CHST7: variants seen among roughly 807,000 people sequenced by gnomAD.
CHST7 encodes N-acetylglucosamine 6-O-sulfotransferase 4.
Under a neutral mutation model 9.0 loss-of-function variants are expected in CHST7, and 5 were observed. That is an observed-to-expected ratio of 0.56 (90% CI 0.29 to 1.17). The LOEUF (loss-of-function observed/expected upper bound fraction) is 1.17, where lower values mean the gene tolerates loss of function less well. CHST7 is among the 50% of genes most tolerant of loss of function. The pLI is 0.08. For missense variants in CHST7, 377 were observed against 485.1 expected, an observed-to-expected ratio of 0.78 and a Z score of 2.09; for synonymous variants, 244 against 237.1, an observed-to-expected ratio of 1.03 and a Z score of -0.27.
In CHST7 at chrX:46,575,150, A is replaced by C; in HGVS notation, c.1219A>C (p.Asn407His). 1 of 1,097,113 alleles carries C rather than the reference A, an allele frequency of 9.1e-7. No homozygotes were observed. Among genetic ancestry groups the C allele is most frequent in the Non-Finnish European group, 1.2e-6 (1 of 848,760 alleles). The allele number at this position is 1,097,113 out of a possible 1,213,427, so 90.4% of individuals were successfully genotyped here. Residue 407 changes from asparagine to histidine, a missense_variant, in exon 1 of 2, where the codon AAC (asparagine) becomes CAC (histidine). By Grantham distance (68) the Asn-to-His change is moderately conservative. This residue lies in a region of CHST7 where 130 missense variants were observed against 134.9 expected (regional missense o/e 0.96). Transcript: ENST00000276055. Reference protein sequence around the residue: ...ALAALDAFALNMTRGAAYGAD... With the variant: ...ALAALDAFALHMTRGAAYGAD... ...CGCAGCGCTCGATGCCTTCGCGCTCAACATGACTCGCGGCGCGGCCTACGG... is the reference window on the plus strand; with the variant it reads ...CGCAGCGCTCGATGCCTTCGCGCTCCACATGACTCGCGGCGCGGCCTACGG...
At chrX:46,585,675 G>A (rs1394147231) in intron 1 of CHST7, among the ~76,000 whole-genome samples, 4 of 112,103 alleles carry the variant, frequency 3.6e-5, no homozygotes, top group African/African-American at 9.7e-5. Flanking sequence ...CACATCCCTC[G>A]CAAAGAATAA....
At chrX:46,594,775 T>G (rs1284873637) in intron 1 of CHST7, among the ~76,000 whole-genome samples, 1 of 111,512 alleles carries the variant, frequency 9.0e-6, no homozygotes, top group East Asian at 2.8e-4. Context: ...TGGGGTTTGC[T>G]CAAGTTCTTG....
intron 1 of CHST7, among the ~76,000 whole-genome samples, chrX:46,592,451 C>T (rs1942577250): frequency 8.9e-6 from 1 of 112,414 alleles, no homozygotes; most frequent in African/African-American, 3.2e-5. Context: ...GCTCACCCGC[C>T]TTCTGGGTTC....
Position 46,575,389 on chromosome X carries a change from G to C in CHST7, c.1458G>C (p.Thr486=), listed in dbSNP as rs771942314. ...TGGAGATGGATGCCGACGGCGCCAC[G>C]TAGCCTCCCATCCCTGTCCCCGGCA... ...TPLEMDADGA[T] Residue 486 remains threonine (T), a synonymous_variant, in exon 1 of 2, where the codon ACG becomes ACC. Coordinates refer to ENST00000276055, the MANE Select transcript of CHST7 (RefSeq NM_019886.4). The C allele has an allele frequency of 9.6e-7, 1 of 1,038,510 alleles. No individual in the cohort carries two copies. Among genetic ancestry groups the C allele is most frequent in the African/African-American group, 2.0e-5 (1 of 50,931 alleles). The allele number at this position is 1,038,510 out of a possible 1,213,427, so 85.6% of individuals were successfully genotyped here.
At position 46,574,150 on chromosome X, in the gene CHST7, C is replaced by A. The variant is rs765705791; in HGVS notation, c.219C>A (p.Ala73=). Residue 73 remains alanine (A), a synonymous_variant, in exon 1 of 2, where the codon GCC becomes GCA. Transcript: ENST00000276055. ...GEREQGAEAR[A]AEEGGANQSP... ...GCGAGCAGGGAGCGGAGGCGCGGGC[C>A]GCCGAGGAAGGGGGCGCGAACCAGT... 1 of 1,168,573 alleles carries A rather than the reference C, an allele frequency of 8.6e-7. No individual in the cohort carries two copies. Among genetic ancestry groups the A allele is most frequent in the African/African-American group, 1.8e-5 (1 of 56,610 alleles).
intron 1 of CHST7, among the ~76,000 whole-genome samples, chrX:46,580,070 T>C (rs1011047224): frequency 2.0e-3 from 214 of 107,821 alleles, no homozygotes; most frequent in African/African-American, 6.9e-3. Context: ...TTTTTTTTTT[T>C]TTTTTTGAGA....
intron 1 of CHST7, among the ~76,000 whole-genome samples, chrX:46,587,276 C>T (rs1942554173): frequency 2.7e-5 from 3 of 110,714 alleles, no homozygotes; most frequent in Admixed American, 1.9e-4. Flanking sequence ...GAGGTGACGG[C>T]GGGAGTGTGT....
rs750851012 is a variant in CHST7, at chrX:46,574,865, C to T, written c.934C>T (p.His312Tyr). The T allele has an allele frequency of 3.1e-4, 368 of 1,172,915 alleles. 2 individuals carry two copies. The South Asian group carries it at 6.4e-3, about 20-fold the overall frequency. ...CACCCGCCAGAGGGGCGACCGCTTC[C>T]ACCGTGTGCTGCTGGCGCACGGCGT... ...LRTRQRGDRF[H>Y]RVLLAHGVGA... is the part of the protein sequence containing the mutation. Residue 312 changes from histidine to tyrosine, a missense_variant, in exon 1 of 2, where the codon CAC (histidine) becomes TAC (tyrosine). His to Tyr is a moderately conservative substitution (Grantham distance 83). Around this residue, in one of 3 missense-constraint regions of CHST7, gnomAD observed 239 missense variants for 325.7 expected, o/e 0.73. Transcript: ENST00000276055.
rs982328991 is a variant in CHST7, at chrX:46,598,283, G to GTAAT, written c.*557_*560dup. 4.5e-5 allele frequency: 5 copies of GTAAT among 112,336 alleles called. No homozygotes were observed. Among genetic ancestry groups the GTAAT allele is most frequent in the Non-Finnish European group, 9.4e-5 (5 of 53,258 alleles). 9.3% of individuals were successfully genotyped at this position (112,336 alleles called of 1,213,427 possible). On this transcript the variant is annotated 3_prime_UTR_variant, in exon 2 of 2. Transcript: ENST00000276055. ...ACCCAGAACTGATTTTTAAAAAGAA[G>GTAAT]TAATTTTTCTCCCTGGGCTGGGAAA...
In CHST7 at chrX:46,574,418, T is replaced by G; in HGVS notation, c.487T>G (p.Cys163Gly). The G allele has an allele frequency of 8.3e-7, 1 of 1,207,919 alleles. No homozygotes were observed. The highest frequency in any genetic ancestry group is 1.1e-6 in the Non-Finnish European group (1 of 895,053). The change falls in exon 1 of 2, where the codon TGC becomes GGC. Residue 163 changes from cysteine to glycine, a missense_variant. Cys to Gly is a radical substitution (Grantham distance 159). Coordinates refer to ENST00000276055, the MANE Select transcript of CHST7 (RefSeq NM_019886.4). ...CGACATGCTGCGTTCGCTCTTCCGC[T>G]GCGACTTCTCCGTGCTGCGGCTGTA... Reference protein sequence around the residue: ...LRDMLRSLFRCDFSVLRLYAP... With the variant: ...LRDMLRSLFRGDFSVLRLYAP...
At chrX:46,597,310 C>CCTAT (rs1013660693) in intron 1 of CHST7, among the ~76,000 whole-genome samples, 3 of 112,199 alleles carry the variant, frequency 2.7e-5, no homozygotes, top group African/African-American at 9.7e-5. Context: ...GGACTCACTG[C>CCTAT]CTATCTACAG....
intron 1 of CHST7, among the ~76,000 whole-genome samples, chrX:46,577,353 C>T (rs992565933): frequency 1.8e-5 from 2 of 110,520 alleles, no homozygotes; most frequent in African/African-American, 6.6e-5. Context: ...GCTTTAGGCT[C>T]TTCCAGACTT....
rs1244812144 is a variant in CHST7, at chrX:46,584,782, G to GAGTGC, written c.*31+9362_*31+9366dup. ...CACAGAAAGCTTTGTAAGGCATGGG[G>GAGTGC]AGTGCAGCCGTGATCAAGACTGTGA... On this transcript the variant is annotated intron_variant, in intron 1 of 1. Coordinates refer to ENST00000276055, the MANE Select transcript of CHST7 (RefSeq NM_019886.4). 3.6e-5 allele frequency among the ~76,000 whole-genome samples: 4 copies of GAGTGC among 111,404 alleles called. No individual in the cohort carries two copies. In the South Asian group the frequency reaches 1.1e-3, roughly 32 times the overall value.
chrX:46,575,457 C>G lies in CHST7; in HGVS notation c.*31+34C>G, dbSNP rs140493918. On this transcript the variant is annotated intron_variant, in intron 1 of 1. Coordinates refer to ENST00000276055, the MANE Select transcript of CHST7 (RefSeq NM_019886.4). ...GCCCGGGGCAAGGCAGGGACCGGGA[C>G]TGGTCTTCCGGGAGCCTGGAATGGC... 3,062 of 989,104 alleles carry G rather than the reference C, an allele frequency of 3.1e-3. 64 individuals are homozygous for G. In the African/African-American group the frequency reaches 0.054, roughly 18 times the overall value. 81.5% of individuals were successfully genotyped at this position (989,104 alleles called of 1,213,427 possible). A position where few individuals can be genotyped will look rare whatever the true frequency, so the allele number is the denominator to read the frequency against.
chrX:46,585,238 C>T (rs990570569), intron 1 of CHST7, among the ~76,000 whole-genome samples: 2 of 97,109 alleles, frequency 2.1e-5, no homozygotes, highest in Non-Finnish European at 4.0e-5. Flanking sequence ...TGTTTTTCTG[C>T]ACCCTCCCAC....
chrX:46,579,543 T>A (rs1261653101), intron 1 of CHST7, among the ~76,000 whole-genome samples: 4 of 108,070 alleles, frequency 3.7e-5, no homozygotes, highest in African/African-American at 9.8e-5. Flanking sequence ...GCAAACACCC[T>A]GTAATTTGAA....
In CHST7 at chrX:46,573,765, A is replaced by C. The variant is rs1942479232; in HGVS notation, c.-167A>C. 13 of 807,346 alleles carry C rather than the reference A, an allele frequency of 1.6e-5. No individual in the cohort carries two copies. Among genetic ancestry groups the C allele is most frequent in the Non-Finnish European group, 2.2e-5 (13 of 590,796 alleles). 66.5% of individuals were successfully genotyped at this position (807,346 alleles called of 1,213,427 possible). On this transcript the variant is annotated 5_prime_UTR_variant, in exon 1 of 2. Transcript: ENST00000276055. Reference sequence around the variant, plus strand: ...AAGCCGAGAGGGCAGGGGCGCCGTCAGTAGCACCACCGCCTTCCAAGTTTC... The same window carrying C: ...AAGCCGAGAGGGCAGGGGCGCCGTCCGTAGCACCACCGCCTTCCAAGTTTC...
chrX:46,584,505 C>A (rs1225251995), intron 1 of CHST7, among the ~76,000 whole-genome samples: 1 of 97,430 alleles, frequency 1.0e-5, no homozygotes, highest in East Asian at 3.2e-4. Context: ...CCATTGCACT[C>A]CAGTCTGGGC....
In CHST7 at chrX:46,580,435, A is replaced by G. The variant is rs146038540; in HGVS notation, c.*31+5012A>G. 9.0e-4 allele frequency among the ~76,000 whole-genome samples: 101 copies of G among 111,844 alleles called. 2 individuals are homozygous for G. Among genetic ancestry groups the G allele is most frequent in the Middle Eastern group, 4.6e-3 (1 of 218 alleles). On this transcript the variant is annotated intron_variant, in intron 1 of 1. Coordinates refer to ENST00000276055, the MANE Select transcript of CHST7 (RefSeq NM_019886.4). ...AAATTATCTTCAGACTCCTAATAGC[A>G]TATCAACCTGGGTGCTAGGTTTGAG... is the stretch of plus-strand genomic sequence containing the variant.
Sources: allele counts gnomAD v4.1 joint callset (sites outside exome capture counted in the v4.1 genomes callset), GRCh38; gene constraint gnomAD v4.1.1; regional missense constraint gnomAD v4.1.1; transcripts MANE v1.5; gene names NCBI Gene and HGNC (gene_info 2026-07-23, HGNC 2026-07-21).